Variants in HTT observed in about 807,000 individuals in gnomAD.
HTT encodes huntington disease protein.
In HTT, 104 loss-of-function variants were observed where a neutral mutation model predicts 362.3. That is an observed-to-expected ratio of 0.29 (90% confidence interval 0.24 to 0.34). The LOEUF is 0.34. Ranked by LOEUF, HTT falls within the 10% of genes least tolerant of loss-of-function variation. HTT has a pLI of 1.00. For missense variants in HTT, 3,301 were observed against 3,928.6 expected (o/e 0.84, Z 4.27); for synonymous variants, 1,577 against 1,548.7 (o/e 1.02, Z -0.43).
In HTT at chr4:3,130,036, A is replaced by C. The variant is rs756556553; in HGVS notation, c.1856A>C (p.Asn619Thr). Residue 619 changes from asparagine (N) to threonine (T), a missense_variant, in exon 13 of 67, where the codon AAC (asparagine) becomes ACC (threonine). Physicochemically the swap from Asn to Thr is moderately conservative, Grantham distance 65 (BLOSUM62 0). Transcript: ENST00000355072. The part of the protein sequence containing the change: ...LPDEASEAFR[N>T]SSMALQQAHL... ...GATGAAGCCTCGGAGGCCTTCAGGA[A>C]CTCTTCCATGGGTATGTGGACTACA... 6.2e-7 allele frequency: 1 copy of C among 1,609,700 alleles called. No homozygotes were observed. Among genetic ancestry groups the C allele is most frequent in the East Asian group, 2.2e-5 (1 of 44,798 alleles).
intron 22 of HTT, among the ~76,000 whole-genome samples, chr4:3,142,024 G>T (rs1039602022): frequency 2.0e-5 from 3 of 152,214 alleles, no homozygotes; most frequent in African/African-American, 7.2e-5. Context: ...TGCCAACTGA[G>T]ATATCATTAA....
rs561152154 is a variant in HTT at position 3,214,074 on chromosome 4, C to T, written c.6891C>T (p.Ser2297=). Residue 2297 remains serine, a synonymous_variant, in exon 50 of 67, where the codon TCC becomes TCT. Transcript: ENST00000355072. ...CTGGCCTCTGGAGCGTGGTCTCCTC[C>T]ACAGAGTTTGTGACCCACGCCTGCT... ...QLPGLWSVVS[S]TEFVTHACSL... 12 of 1,606,818 alleles carry T rather than the reference C, an allele frequency of 7.5e-6. No individual in the cohort carries two copies. The East Asian group carries it at 1.8e-4, about 24-fold the overall frequency.
At chr4:3,186,487 T>G in intron 37 of HTT, 110 bp from the exon 38 acceptor site, 4 of 1,212,532 alleles carry the variant, frequency 3.3e-6, no homozygotes, top group Non-Finnish European at 4.7e-6. Context: ...TGAGGGAAGG[T>G]GACGATGAGA....
At chr4:3,131,849 T>C in intron 16 of HTT, 74 bp downstream of exon 16, 1 of 1,449,920 alleles carries the variant, frequency 6.9e-7, no homozygotes, top group Non-Finnish European at 9.5e-7. Context: ...ATTGACTATT[T>C]TAGTTTTAGA....
At chr4:3,113,797 G>T (rs1714882698) in intron 6 of HTT, among the ~76,000 whole-genome samples, 1 of 151,780 alleles carries the variant, frequency 6.6e-6, no homozygotes, top group Non-Finnish European at 1.5e-5. Context: ...TCCTTGTCAG[G>T]GAGTCCTGTG....
rs1414099928 is a variant in HTT, at chr4:3,187,815, C to T, written c.5154C>T (p.Asp1718=). ...CTVINRLRDG[D]STSTLEEHSE... ...TAATTAATAGGTTAAGAGATGGGGACAGTACTTCAACGCTAGAAGAACACA... is the reference window on the plus strand; with the variant it reads ...TAATTAATAGGTTAAGAGATGGGGATAGTACTTCAACGCTAGAAGAACACA... Residue 1718 remains aspartate (D), a synonymous_variant, in exon 39 of 67, where the codon GAC becomes GAT. Transcript: ENST00000355072. 1 of 1,613,202 alleles carries T rather than the reference C, an allele frequency of 6.2e-7. No individual in the cohort carries two copies. Among genetic ancestry groups the T allele is most frequent in the Non-Finnish European group, 8.5e-7 (1 of 1,179,244 alleles).
At chr4:3,187,154 C>T (rs1309983164) in intron 38 of HTT, among the ~76,000 whole-genome samples, 1 of 150,326 alleles carries the variant, frequency 6.7e-6, no homozygotes, top group Non-Finnish European at 1.5e-5. Context: ...CCACCGCACC[C>T]GGCCTTTTTA....
chr4:3,158,719 A>G (rs1482187031), intron 28 of HTT, among the ~76,000 whole-genome samples: 2 of 152,058 alleles, frequency 1.3e-5, no homozygotes, highest in Non-Finnish European at 2.9e-5. Flanking sequence ...ATTTTGGAAG[A>G]TATGAAAGTC....
At chr4:3,239,491 G>A (rs1010577010) in intron 66 of HTT, among the ~76,000 whole-genome samples, 3 of 152,226 alleles carry the variant, frequency 2.0e-5, no homozygotes, top group Admixed American at 2.0e-4. Context: ...TCCTGGTGCT[G>A]ACAGCACAGC....
At chr4:3,155,224 A>G (rs1193567172) in intron 27 of HTT, among the ~76,000 whole-genome samples, 1 of 150,426 alleles carries the variant, frequency 6.6e-6, no homozygotes, top group African/African-American at 2.4e-5. Flanking sequence ...TATTTATTTT[A>G]TTTATTTATT....
intron 26 of HTT, 48 bp downstream of exon 26, chr4:3,148,255 G>T (rs1716705310): frequency 7.4e-7 from 1 of 1,359,760 alleles, no homozygotes; most frequent in Non-Finnish European, 1.0e-6. Flanking sequence ...AATGACTATG[G>T]GTTTCCAGAC....
chr4:3,129,983 A>G lies in HTT; in HGVS notation c.1803A>G (p.Glu601=), dbSNP rs2110187160. 2 of 1,614,002 alleles carry G rather than the reference A, an allele frequency of 1.2e-6. No individual in the cohort carries two copies. Among genetic ancestry groups the G allele is most frequent in the Non-Finnish European group, 1.7e-6 (2 of 1,179,950 alleles). Residue 601 remains glutamate (E), a synonymous_variant, in exon 13 of 67, where the codon GAA becomes GAG. Transcript: ENST00000355072. ...LGLQIGQPQD[E]DEEATGILPD... ...TGCAGATTGGACAGCCCCAGGATGA[A>G]GATGAGGAAGCCACAGGTATTCTTC...
intron 2 of HTT, among the ~76,000 whole-genome samples, chr4:3,094,798 T>C (rs1713751696): frequency 6.8e-6 from 1 of 146,884 alleles, no homozygotes; most frequent in Non-Finnish European, 1.5e-5. Flanking sequence ...GAGGGGCTCC[T>C]CACTTCTCAG....
intron 12 of HTT, 29 bp from the exon 13 acceptor site, chr4:3,129,895 A>G: frequency 6.2e-7 from 1 of 1,613,898 alleles, no homozygotes; most frequent in South Asian, 1.1e-5. Flanking sequence ...ACACTTCAAA[A>G]TTCTCACAGC....
At chr4:3,236,891 G>T (rs1721563365) in intron 64 of HTT, among the ~76,000 whole-genome samples, 1 of 152,096 alleles carries the variant, frequency 6.6e-6, no homozygotes, top group Non-Finnish European at 1.5e-5. Flanking sequence ...CTCAGTCCTG[G>T]CGACATGGTG....
chr4:3,115,280 C>T lies in HTT; in HGVS notation c.748-24C>T, dbSNP rs1204936063. ...GCTTCATAGGAGCTTCATCTTTTAT[C>T]TACTTGGACTTTTGCTTCCGTAGGT... On this transcript the variant is annotated intron_variant, in intron 6 of 66. Transcript: ENST00000355072. 3 of 1,606,852 alleles carry T rather than the reference C, an allele frequency of 1.9e-6. No homozygotes were observed. In the Admixed American group the frequency reaches 5.1e-5, roughly 27 times the overall value.
chr4:3,122,829 C>A, intron 9 of HTT, 60 bp from the exon 10 acceptor site: 1 of 1,389,942 alleles, frequency 7.2e-7, no homozygotes, highest in Non-Finnish European at 1.0e-6. Flanking sequence ...TGAAGATTTT[C>A]ACATTTCTTC....
chr4:3,168,320 T>C (rs1717809393), intron 29 of HTT, among the ~76,000 whole-genome samples: 1 of 152,082 alleles, frequency 6.6e-6, no homozygotes, highest in East Asian at 1.9e-4. Context: ...CGGGGCTGGG[T>C]GTTGAGGTCT....
intron 21 of HTT, among the ~76,000 whole-genome samples, chr4:3,138,368 G>A (rs746101153): frequency 1.3e-5 from 2 of 152,052 alleles, no homozygotes; most frequent in Non-Finnish European, 2.9e-5. Context: ...TACCCAATAT[G>A]TAGTTTTTTG....
Sources: gnomAD v4.1 joint callset for allele counts (sites outside exome capture counted in the v4.1 genomes callset) on GRCh38, gnomAD v4.1.1 for gene constraint, MANE v1.5 for transcripts, NCBI Gene and HGNC (gene_info 2026-07-23, HGNC 2026-07-21) for gene names.